CNTN5: variants seen among roughly 807,000 people sequenced by gnomAD.
CNTN5 encodes contactin 5, also known as contactin-5.
CNTN5 carries 77 observed loss-of-function variants against 129.1 expected under a neutral mutation model. The ratio of observed to expected loss-of-function variants is 0.60; its 90% CI spans 0.50 to 0.72. The LOEUF is 0.72. Ranked by LOEUF, CNTN5 falls within the 30% of genes least tolerant of loss-of-function variation. The pLI, the probability that CNTN5 is intolerant of heterozygous loss-of-function variation, is 0.00. For synonymous variants in CNTN5, 509 were observed against 465.6 expected (o/e 1.09, Z -1.20); for missense variants, 1,478 against 1,328.8 (o/e 1.11, Z -1.75).
chr11:99,261,142 T>C (rs1016908932), intron 1 of CNTN5, among the ~76,000 whole-genome samples: 4 of 151,986 alleles, frequency 2.6e-5, no homozygotes, highest in Non-Finnish European at 4.4e-5. Context: ...ATCTGTAATA[T>C]TTAATAGCTA....
intron 7 of CNTN5, among the ~76,000 whole-genome samples, chr11:99,918,194 A>C (rs557507453): frequency 6.6e-6 from 1 of 152,102 alleles, no homozygotes; most frequent in Non-Finnish European, 1.5e-5. Flanking sequence ...TCTTTTATAC[A>C]GCTTCAATTT....
chr11:99,044,835 C>T (rs1864143589), intron 1 of CNTN5, among the ~76,000 whole-genome samples: 2 of 152,126 alleles, frequency 1.3e-5, no homozygotes, highest in Admixed American at 1.3e-4. Context: ...GGAAATTTTA[C>T]ACGGTCTCTC....
rs138618209 is a variant in CNTN5 at position 99,516,699 on chromosome 11, G to A, written c.-70-39446G>A. On this transcript the variant is annotated intron_variant, in intron 2 of 24. Transcript: ENST00000524871. ...TACACTTGTTTTCAAAATATATTATGGAAAACATTGCAGTTTTACCTCAAT... is the reference window on the plus strand; with the variant it reads ...TACACTTGTTTTCAAAATATATTATAGAAAACATTGCAGTTTTACCTCAAT... Among the ~76,000 whole-genome samples, 7 of 152,042 alleles carry A rather than the reference G, an allele frequency of 4.6e-5. No homozygotes were observed. In the East Asian group the frequency reaches 1.4e-3, roughly 29 times the overall value.
intron 3 of CNTN5, among the ~76,000 whole-genome samples, chr11:99,598,524 T>C (rs1279167227): frequency 1.3e-5 from 2 of 149,996 alleles, no homozygotes; most frequent in South Asian, 2.1e-4. Flanking sequence ...CTTTCTTTCA[T>C]GGCAGAAGCC....
chr11:99,594,456 C>T (rs1950067428), intron 3 of CNTN5, among the ~76,000 whole-genome samples: 1 of 152,098 alleles, frequency 6.6e-6, no homozygotes, highest in Non-Finnish European at 1.5e-5. Flanking sequence ...ATTGTGTAAG[C>T]TCAATTCATA....
chr11:99,881,033 C>A (rs1164703610), intron 6 of CNTN5, among the ~76,000 whole-genome samples: 2 of 152,100 alleles, frequency 1.3e-5, no homozygotes, highest in Non-Finnish European at 2.9e-5. Context: ...TTAAGAGTTG[C>A]AAACTAGTTT....
chr11:99,661,076 A>AT (rs976412709), intron 3 of CNTN5, among the ~76,000 whole-genome samples: 2 of 152,118 alleles, frequency 1.3e-5, no homozygotes, highest in Non-Finnish European at 2.9e-5. Context: ...GTCCAGCTCA[A>AT]TTCTAAACCA....
At chr11:100,246,085 G>C (rs935988080) in intron 16 of CNTN5, among the ~76,000 whole-genome samples, 4 of 151,594 alleles carry the variant, frequency 2.6e-5, no homozygotes, top group Non-Finnish European at 4.4e-5. Context: ...TTTCTATTTT[G>C]CTAAAATCAA....
intron 15 of CNTN5, among the ~76,000 whole-genome samples, chr11:100,202,090 T>C (rs1025222515): frequency 2.0e-5 from 3 of 152,036 alleles, no homozygotes; most frequent in African/African-American, 7.2e-5. Context: ...GAAATTGTGT[T>C]ATTGTTGTTG....
In CNTN5 at chr11:99,456,620, T is replaced by C. The variant is rs1421112378; in HGVS notation, c.-70-99525T>C. 3.3e-5 allele frequency among the ~76,000 whole-genome samples: 5 copies of C among 152,112 alleles called. No individual in the cohort carries two copies. The East Asian group carries it at 9.6e-4, about 29-fold the overall frequency. On this transcript the variant is annotated intron_variant, in intron 2 of 24. Transcript: ENST00000524871. The stretch of plus-strand genomic sequence containing the variant: ...ATCTCAAAAAAACTGTAGACTTTTC[T>C]TGGGCCTACATTTTTCTATGCTGCC...
intron 8 of CNTN5, among the ~76,000 whole-genome samples, chr11:99,966,256 A>G (rs956251260): frequency 6.6e-6 from 1 of 152,210 alleles, no homozygotes; most frequent in African/African-American, 2.4e-5. Context: ...TTTACTTAAT[A>G]ACTCTCTCTT....
chr11:99,123,740 G>A (rs565215336), intron 1 of CNTN5, among the ~76,000 whole-genome samples: 1 of 151,722 alleles, frequency 6.6e-6, no homozygotes, highest in South Asian at 2.1e-4. Context: ...GTAAGGAAGG[G>A]GTCCAATTTC....
At chr11:99,558,290 C>T (rs1229479719) in intron 3 of CNTN5, 1 of 423,958 alleles carries the variant, frequency 2.4e-6, no homozygotes, top group South Asian at 1.7e-5. Flanking sequence ...ACTTATAAGC[C>T]AACTGAAGGA....
chr11:99,455,450 T>A (rs11827483), intron 2 of CNTN5, among the ~76,000 whole-genome samples: 28,562 of 150,922 alleles, frequency 0.19, 2,718 homozygotes, highest in Middle Eastern at 0.22. Context: ...TTTTTTTTTT[T>A]AAAAAAAACA....
chr11:100,131,447 A>C (rs2138209756), intron 13 of CNTN5, among the ~76,000 whole-genome samples: 1 of 152,156 alleles, frequency 6.6e-6, no homozygotes, highest in South Asian at 2.1e-4. Context: ...AGGAGGTTTA[A>C]TAGTTAAGTT....
At chr11:100,334,751 G>A (rs986813627) in intron 21 of CNTN5, among the ~76,000 whole-genome samples, 1 of 152,100 alleles carries the variant, frequency 6.6e-6, no homozygotes, top group African/African-American at 2.4e-5. Context: ...TTATAAGAAT[G>A]ACATGTTAGA....
chr11:99,651,720 A>C (rs188090590), intron 3 of CNTN5, among the ~76,000 whole-genome samples: 3 of 152,128 alleles, frequency 2.0e-5, no homozygotes, highest in Admixed American at 2.0e-4. Context: ...ATCAGCACTT[A>C]CTTTTTAACC....
chr11:99,227,359 C>T (rs78681613), intron 1 of CNTN5, among the ~76,000 whole-genome samples: 1 of 114,122 alleles, frequency 8.8e-6, no homozygotes, highest in Non-Finnish European at 1.8e-5. Context: ...GAATCTGTCT[C>T]AAAAAAAAAA....
At chr11:99,908,035 TC>T (rs1329964226) in intron 6 of CNTN5, among the ~76,000 whole-genome samples, 3 of 152,026 alleles carry the variant, frequency 2.0e-5, no homozygotes, top group Admixed American at 2.0e-4. Flanking sequence ...TGAGTTAAAA[TC>T]ATGAAGTTTT....
Sources: gnomAD v4.1 joint callset for allele counts (sites outside exome capture counted in the v4.1 genomes callset) on GRCh38, gnomAD v4.1.1 for gene constraint, MANE v1.5 for transcripts, NCBI Gene and HGNC (gene_info 2026-07-23, HGNC 2026-07-21) for gene names.